The following SRPRA variants were observed in gnomAD, a reference collection of about 807,000 sequenced individuals.
SRPRA encodes signal recognition particle receptor subunit alpha.
In SRPRA, 30 loss-of-function variants were observed where a neutral mutation model predicts 61.1. The observed-to-expected ratio is 0.49, with a 90% confidence interval of 0.37 to 0.67. SRPRA has a LOEUF of 0.67. Ranked by LOEUF, SRPRA falls within the 30% of genes least tolerant of loss-of-function variation. SRPRA has a pLI of 0.00. For missense variants in SRPRA, 759 were observed against 828.4 expected (o/e 0.92, Z 1.03); for synonymous variants, 324 against 299.7 (o/e 1.08, Z -0.84).
At position 126,266,576 on chromosome 11, in the gene SRPRA, A is replaced by C. The variant is rs1217194099; in HGVS notation, c.740T>G (p.Val247Gly). ...PKEKGKKAPRVWELGGCANKE... is the reference protein window; with the variant it reads ...PKEKGKKAPRGWELGGCANKE... Reference sequence around the variant, plus strand: ...GTTAGCACAGCCACCCAGTTCCCACACCCGGGGTGCTTTTTTGCCCTTCTC... The same window carrying C: ...GTTAGCACAGCCACCCAGTTCCCACCCCCGGGGTGCTTTTTTGCCCTTCTC... The change falls in exon 6 of 14, where the codon GTG becomes GGG. Residue 247 changes from valine to glycine, a missense_variant. Coordinates refer to ENST00000332118, the MANE Select transcript of SRPRA (RefSeq NM_003139.4). 6.2e-7 allele frequency: 1 copy of C among 1,614,096 alleles called. No homozygotes were observed. Among genetic ancestry groups the C allele is most frequent in the Non-Finnish European group, 8.5e-7 (1 of 1,180,016 alleles).
In SRPRA at chr11:126,265,900, G is replaced by A. The variant is rs1950800705; in HGVS notation, c.1051+63C>T. 6.2e-7 allele frequency: 1 copy of A among 1,610,092 alleles called. No individual in the cohort carries two copies. The highest frequency in any genetic ancestry group is 8.5e-7 in the Non-Finnish European group (1 of 1,176,310). The stretch of plus-strand genomic sequence containing the variant: ...TTATGGTACAGGTGAGAAACGCTAG[G>A]TGATTCTGCTCTCAACTACCCCTAT... On this transcript the variant is annotated intron_variant, in intron 8 of 13. Transcript: ENST00000332118. The surrounding 1 kb of genome is among the most constrained non-coding windows in gnomAD (Gnocchi z 6.3).
In SRPRA at chr11:126,265,691, C is replaced by CA; in HGVS notation, c.1138+45dup. On this transcript the variant is annotated intron_variant, in intron 9 of 13. Transcript: ENST00000332118. This position sits in a 1 kb window ranked among gnomAD's most constrained non-coding sequence, Gnocchi z 6.3. ...TACCTAGTAAGAACTGAGGTCTATG[C>CA]ACTTAACCTACACATAAGCACTTTC... 6.3e-7 allele frequency: 1 copy of CA among 1,593,852 alleles called. No individual in the cohort carries two copies. The highest frequency in any genetic ancestry group is 8.6e-7 in the Non-Finnish European group (1 of 1,162,186).
At chr11:126,248,961 C>G in the SRPRA span, among the ~76,000 whole-genome samples, 1 of 152,230 alleles carries the variant, frequency 6.6e-6, no homozygotes, top group Non-Finnish European at 1.5e-5. Flanking sequence ...TTTGTCTTTT[C>G]AGTTGTAAAG....
chr11:126,254,856 C>T, the SRPRA span, among the ~76,000 whole-genome samples: 23 of 152,130 alleles, frequency 1.5e-4, no homozygotes, highest in African/African-American at 1.9e-4. Flanking sequence ...GAAAGTCAGA[C>T]GTTCTTCCTG....
In SRPRA at chr11:126,265,259, T is replaced by C. The variant is rs370161383; in HGVS notation, c.1311+9A>G. 1.4e-5 allele frequency: 23 copies of C among 1,613,388 alleles called. No homozygotes were observed. The highest frequency in any genetic ancestry group is 2.7e-5 in the African/African-American group (2 of 74,944). The stretch of plus-strand genomic sequence containing the variant: ...AAATATCAGCGATAGGCTGGGGAAC[T>C]GCACTGACCTTGGCAAGATTAGTAG... On this transcript the variant is annotated intron_variant, in intron 10 of 13. Coordinates refer to ENST00000332118, the MANE Select transcript of SRPRA (RefSeq NM_003139.4). This position sits in a 1 kb window ranked among gnomAD's most constrained non-coding sequence, Gnocchi z 6.3.
chr11:126,266,762 C>T lies in SRPRA; in HGVS notation c.686+1G>A. On this transcript the variant is annotated splice_donor_variant, in intron 5 of 13. Coordinates refer to ENST00000332118, the MANE Select transcript of SRPRA (RefSeq NM_003139.4). LOFTEE classifies it high-confidence loss of function. ...GAGAGTACTGGAGAAAGAGTGCTCA[C>T]TTGGACTTCTCCATACCCCTCCCAT... 1 of 1,613,952 alleles carries T rather than the reference C, an allele frequency of 6.2e-7. No homozygotes were observed. Among genetic ancestry groups the T allele is most frequent in the Non-Finnish European group, 8.5e-7 (1 of 1,179,916 alleles).
chr11:126,250,236 C>T, the SRPRA span, among the ~76,000 whole-genome samples: 3 of 152,006 alleles, frequency 2.0e-5, no homozygotes, highest in South Asian at 2.1e-4. The surrounding 1 kb of genome is among the most constrained non-coding windows in gnomAD (Gnocchi z 5.1). Context: ...GGACTACAGG[C>T]GCCTGTCACC....
At chr11:126,261,641 CTA>C (rs1333531925), downstream of SRPRA, among the ~76,000 whole-genome samples, 2 of 152,214 alleles carry the variant, frequency 1.3e-5, no homozygotes, top group African/African-American at 4.8e-5. Flanking sequence ...ATTAAGGATT[CTA>C]TCTTTTCCTA....
chr11:126,239,568 T>G, the SRPRA span, among the ~76,000 whole-genome samples: 8,367 of 152,234 alleles, frequency 0.055, 362 homozygotes, highest in East Asian at 0.17. Context: ...AGGGACTCCA[T>G]TTTGTTCATG....
the SRPRA span, among the ~76,000 whole-genome samples, chr11:126,241,915 C>T: frequency 1.3e-5 from 2 of 150,844 alleles, no homozygotes; most frequent in Non-Finnish European, 2.9e-5. Context: ...ATCCCAGCTG[C>T]TCAGGAGGCT....
At chr11:126,258,946 C>G (rs548159496), downstream of SRPRA, among the ~76,000 whole-genome samples, 1 of 152,286 alleles carries the variant, frequency 6.6e-6, no homozygotes, top group Admixed American at 6.5e-5. Flanking sequence ...TGTGGAATGG[C>G]ACAAATTCTT....
At chr11:126,251,458 C>T in the SRPRA span, among the ~76,000 whole-genome samples, 1 of 152,160 alleles carries the variant, frequency 6.6e-6, no homozygotes, top group Admixed American at 6.5e-5. Flanking sequence ...GCTGAAATAC[C>T]ACTCTTGTGG....
the SRPRA span, among the ~76,000 whole-genome samples, chr11:126,237,713 G>A: frequency 1.4e-4 from 20 of 145,196 alleles, no homozygotes; most frequent in African/African-American, 2.5e-4. Context: ...AAAAATTAGC[G>A]GGGCGTGGTG....
Position 126,266,925 on chromosome 11 carries a change from G to T in SRPRA, c.527-3C>A. ...GGTAGCCAAAGGACCATCAGAACCT[G>T]TTGGGGAAAAAACTCACTGAAGAAA... On this transcript the variant is annotated splice_polypyrimidine_tract_variant and splice_region_variant and intron_variant, in intron 4 of 13. Coordinates refer to ENST00000332118, the MANE Select transcript of SRPRA (RefSeq NM_003139.4). 6.2e-7 allele frequency: 1 copy of T among 1,609,822 alleles called. No homozygotes were observed. Among genetic ancestry groups the T allele is most frequent in the Non-Finnish European group, 8.5e-7 (1 of 1,178,842 alleles).
chr11:126,266,903 A>C lies in SRPRA; in HGVS notation c.546T>G (p.Ala182=). Residue 182 remains alanine, a synonymous_variant, in exon 5 of 14, where the codon GCT becomes GCG. Coordinates refer to ENST00000332118, the MANE Select transcript of SRPRA (RefSeq NM_003139.4). ...TTTCTGCAGGGACTGGTTTGCTGGTAGCCAAAGGACCATCAGAACCTGTTG... is the reference window on the plus strand; with the variant it reads ...TTTCTGCAGGGACTGGTTTGCTGGTCGCCAAAGGACCATCAGAACCTGTTG... ...AKKEGSDGPL[A]TSKPVPAEKS... is the part of the protein sequence containing the mutation. The C allele has an allele frequency of 6.2e-7, 1 of 1,614,174 alleles. No homozygotes were observed. The highest frequency in any genetic ancestry group is 1.3e-5 in the African/African-American group (1 of 75,070).
At chr11:126,258,531 C>T (rs924654432), downstream of SRPRA, among the ~76,000 whole-genome samples, 2 of 152,170 alleles carry the variant, frequency 1.3e-5, no homozygotes, top group African/African-American at 2.4e-5. Context: ...CATGGCTATG[C>T]TTTGATGGAA....
rs761982123 is a variant in SRPRA at position 126,266,181 on chromosome 11, C to G, written c.932+6G>C. The G allele has an allele frequency of 2.5e-5, 41 of 1,613,932 alleles. No homozygotes were observed. Among genetic ancestry groups the G allele is most frequent in the Non-Finnish European group, 3.2e-5 (38 of 1,180,000 alleles). On this transcript the variant is annotated splice_donor_region_variant and intron_variant, in intron 7 of 13. Transcript: ENST00000332118. ...ATATACCAACCCCCACCTGAAATTCCCCTACCTAGGTTTGGTAGAGTTTTG... is the reference window on the plus strand; with the variant it reads ...ATATACCAACCCCCACCTGAAATTCGCCTACCTAGGTTTGGTAGAGTTTTG...
At chr11:126,260,383 A>G (rs1009298626), downstream of SRPRA, 1 of 137,302 alleles carries the variant, frequency 7.3e-6, no homozygotes, top group African/African-American at 3.0e-5. Context: ...ATAGTTGTAA[A>G]CAAAATATAG....
At position 126,264,449 on chromosome 11, in the gene SRPRA, A is replaced by G; in HGVS notation, c.1616T>C (p.Ile539Thr). The change falls in exon 12 of 14, where the codon ATT (isoleucine) becomes ACT (threonine). Residue 539 changes from isoleucine to threonine, a missense_variant. Coordinates refer to ENST00000332118, the MANE Select transcript of SRPRA (RefSeq NM_003139.4). This position sits in a 1 kb window ranked among gnomAD's most constrained non-coding sequence, Gnocchi z 5.0. ...APLMTALAKL[I>T]TVNTPDLVLF... is the part of the protein sequence containing the mutation. Reference sequence around the variant, plus strand: ...CACCAAATCAGGTGTATTGACAGTAATGAGTTTGGCCAGGGCAGTCATCAG... The same window carrying G: ...CACCAAATCAGGTGTATTGACAGTAGTGAGTTTGGCCAGGGCAGTCATCAG... 1.2e-6 allele frequency: 2 copies of G among 1,614,194 alleles called. No individual in the cohort carries two copies. The highest frequency in any genetic ancestry group is 1.7e-6 in the Non-Finnish European group (2 of 1,180,034).
Sources: allele counts gnomAD v4.1 joint callset (sites outside exome capture counted in the v4.1 genomes callset), GRCh38; gene constraint gnomAD v4.1.1; non-coding constraint Gnocchi (gnomAD v3.1); transcripts MANE v1.5; gene names NCBI Gene and HGNC (gene_info 2026-07-23, HGNC 2026-07-21).